The following ELF3 variants were observed in gnomAD, a reference collection of about 807,000 sequenced individuals.
ELF3 encodes E74 like ETS transcription factor 3.
ELF3 carries 18 observed loss-of-function variants against 43.9 expected under a neutral mutation model. The observed-to-expected ratio is 0.41, with a 90% CI of 0.28 to 0.61. The LOEUF (loss-of-function observed/expected upper bound fraction) is 0.61, where lower values mean the gene tolerates loss of function less well. Among genes scored for constraint, ELF3 ranks in the 20% least tolerant of loss-of-function variants. The pLI, the probability that ELF3 is intolerant of heterozygous loss-of-function variation, is 0.30. For synonymous variants in ELF3, 181 were observed against 190.2 expected, an observed-to-expected ratio of 0.95 and a Z score of 0.40; for missense variants, 373 against 487.7, an observed-to-expected ratio of 0.76 and a Z score of 2.21.
In ELF3 at chr1:202,012,513, C is replaced by G; in HGVS notation, c.478+77C>G. ...CCCCTCCACAGAGTGCTAGAGATGA[C>G]CCCCTCCCCAGACTTCTTCCTCCCT... On this transcript the variant is annotated intron_variant, in intron 4 of 8. Coordinates refer to ENST00000367284, the MANE Select transcript of ELF3 (RefSeq NM_004433.5). This position sits in a 1 kb window ranked among gnomAD's most constrained non-coding sequence, Gnocchi z 4.2. 2 of 1,568,424 alleles carry G rather than the reference C, an allele frequency of 1.3e-6. No homozygotes were observed. Among genetic ancestry groups the G allele is most frequent in the Non-Finnish European group, 1.7e-6 (2 of 1,157,330 alleles).
intron 2 of ELF3, 135 bp from the exon 3 acceptor site, chr1:202,011,822 A>G (rs1451232902): frequency 1.2e-6 from 1 of 827,286 alleles, no homozygotes; most frequent in Non-Finnish European, 1.9e-6. Context: ...GGTTGCTGTG[A>G]GCCGAGATTG....
At position 202,010,717 on chromosome 1, in the gene ELF3, C is replaced by G. The variant is rs1230839821; in HGVS notation, c.-9+11C>G. On this transcript the variant is annotated intron_variant, in intron 1 of 8. Transcript: ENST00000367284. The surrounding 1 kb of genome is among the most constrained non-coding windows in gnomAD (Gnocchi z 4.3). The stretch of plus-strand genomic sequence containing the variant: ...GACTCCGCCACTCCGGTAGGATTCC[C>G]CGCCTGTCATTCCCTAGCCCAGCTC... 1.2e-5 allele frequency: 2 copies of G among 160,854 alleles called. No individual in the cohort carries two copies. The highest frequency in any genetic ancestry group is 2.7e-5 in the Non-Finnish European group (2 of 73,264). The allele number at this position is 160,854 out of a possible 1,614,324, so 10.0% of individuals were successfully genotyped here. A position where few individuals can be genotyped will look rare whatever the true frequency, so the allele number is the denominator to read the frequency against.
At position 202,012,306 on chromosome 1, in the gene ELF3, G is replaced by C. The variant is rs1207347967; in HGVS notation, c.386-38G>C. The C allele has an allele frequency of 6.2e-7, 1 of 1,612,642 alleles. No individual in the cohort carries two copies. Among genetic ancestry groups the C allele is most frequent in the Non-Finnish European group, 8.5e-7 (1 of 1,179,146 alleles). On this transcript the variant is annotated intron_variant, in intron 3 of 8. Coordinates refer to ENST00000367284, the MANE Select transcript of ELF3 (RefSeq NM_004433.5). The surrounding 1 kb of genome is among the most constrained non-coding windows in gnomAD (Gnocchi z 4.2). ...AGCCAGAGAGAGCCCTTGAGGGAGGGATTAGGGGAGTGTGACCCTTCCTTC... is the reference window on the plus strand; with the variant it reads ...AGCCAGAGAGAGCCCTTGAGGGAGGCATTAGGGGAGTGTGACCCTTCCTTC...
rs1207741412 is a variant in ELF3 at position 202,013,598 on chromosome 1, C to T, written c.806-231C>T. Reference sequence around the variant, plus strand: ...CTCCAGTTCTCTCTGCACTTGGCCACTGTCCTGCCCTCTGGGACACCCTCA... The same window carrying T: ...CTCCAGTTCTCTCTGCACTTGGCCATTGTCCTGCCCTCTGGGACACCCTCA... On this transcript the variant is annotated intron_variant, in intron 7 of 8. Coordinates refer to ENST00000367284, the MANE Select transcript of ELF3 (RefSeq NM_004433.5). The surrounding 1 kb of genome is among the most constrained non-coding windows in gnomAD (Gnocchi z 5.7). 6.6e-6 allele frequency among the ~76,000 whole-genome samples: 1 copy of T among 152,218 alleles called. No individual in the cohort carries two copies. The highest frequency in any genetic ancestry group is 1.5e-5 in the Non-Finnish European group (1 of 68,036).
rs1452985672 is a variant in ELF3 at position 202,015,740 on chromosome 1, C to T, written c.*417C>T. On this transcript the variant is annotated 3_prime_UTR_variant, in exon 9 of 9. Transcript: ENST00000367284. ...CTCCAGCACCTTCTTTCTGGACTGG[C>T]GTTCACCTCCCTGCTCAGTGCTTGG... 1.0e-5 allele frequency: 2 copies of T among 195,880 alleles called. No homozygotes were observed. The highest frequency in any genetic ancestry group is 2.2e-5 in the Non-Finnish European group (2 of 92,804). 12.1% of individuals were successfully genotyped at this position (195,880 alleles called of 1,614,324 possible).
chr1:202,015,345 C>T lies in ELF3; in HGVS notation c.*22C>T. 2 of 1,612,650 alleles carry T rather than the reference C, an allele frequency of 1.2e-6. No homozygotes were observed. Among genetic ancestry groups the T allele is most frequent in the Non-Finnish European group, 1.7e-6 (2 of 1,179,190 alleles). The stretch of plus-strand genomic sequence containing the variant: ...CTGAGGGTTGGAACTATACCCGGGA[C>T]CAAACTCACGGACCACTCGAGGCCT... On this transcript the variant is annotated 3_prime_UTR_variant, in exon 9 of 9. Coordinates refer to ENST00000367284, the MANE Select transcript of ELF3 (RefSeq NM_004433.5).
chr1:202,013,404 C>T lies in ELF3; in HGVS notation c.805+106C>T. ...CTTCTCCCGTTTTCTCTGGCCTCCGCATGGCCTTTGGTAAGGCTGTGCACA... is the reference window on the plus strand; with the variant it reads ...CTTCTCCCGTTTTCTCTGGCCTCCGTATGGCCTTTGGTAAGGCTGTGCACA... On this transcript the variant is annotated intron_variant, in intron 7 of 8. Coordinates refer to ENST00000367284, the MANE Select transcript of ELF3 (RefSeq NM_004433.5). This position sits in a 1 kb window ranked among gnomAD's most constrained non-coding sequence, Gnocchi z 5.7. 1.7e-6 allele frequency: 2 copies of T among 1,169,040 alleles called. No individual in the cohort carries two copies. Among genetic ancestry groups the T allele is most frequent in the Non-Finnish European group, 1.2e-6 (1 of 804,546 alleles). The allele number at this position is 1,169,040 out of a possible 1,614,324, so 72.4% of individuals were successfully genotyped here. A position where few individuals can be genotyped will look rare whatever the true frequency, so the allele number is the denominator to read the frequency against.
chr1:202,011,667 T>C, intron 2 of ELF3: 1 of 471,350 alleles, frequency 2.1e-6, no homozygotes, highest in Non-Finnish European at 3.8e-6. Flanking sequence ...AGGTCAAGAG[T>C]TCGAGACCAG....
rs1204939673 is a variant in ELF3, at chr1:202,012,513, C to T, written c.478+77C>T. The T allele has an allele frequency of 1.0e-5, 16 of 1,568,304 alleles. No individual in the cohort carries two copies. Among genetic ancestry groups the T allele is most frequent in the Non-Finnish European group, 1.2e-5 (14 of 1,157,338 alleles). On this transcript the variant is annotated intron_variant, in intron 4 of 8. Coordinates refer to ENST00000367284, the MANE Select transcript of ELF3 (RefSeq NM_004433.5). The surrounding 1 kb of genome is among the most constrained non-coding windows in gnomAD (Gnocchi z 4.2). ...CCCCTCCACAGAGTGCTAGAGATGA[C>T]CCCCTCCCCAGACTTCTTCCTCCCT...
intron 8 of ELF3, chr1:202,014,904 A>G: frequency 3.3e-6 from 1 of 300,524 alleles, no homozygotes. Flanking sequence ...CACCGTGCCC[A>G]GCTCCCTGGC....
rs367657712 is a variant in ELF3, at chr1:202,014,871, G to C, written c.1002-338G>C. On this transcript the variant is annotated intron_variant, in intron 8 of 8. Coordinates refer to ENST00000367284, the MANE Select transcript of ELF3 (RefSeq NM_004433.5). ...GATCCGCCCGCCTCAGCCTCCCAAA[G>C]TGCTGGAATTACAGGTGTGAGCCAC... is the stretch of plus-strand genomic sequence containing the variant. The C allele has an allele frequency of 2.9e-4, 70 of 237,486 alleles. 1 individual carries two copies. The South Asian group carries it at 3.7e-3, about 12-fold the overall frequency. 14.7% of individuals were successfully genotyped at this position (237,486 alleles called of 1,614,324 possible).
rs1684236431 is a variant in ELF3 at position 202,012,849 on chromosome 1, A to G, written c.598+90A>G. Reference sequence around the variant, plus strand: ...AGCACCATAACTCAGGCCTTCTGGCAGGAACAGGAACAGGCTGGGAAGTGT... The same window carrying G: ...AGCACCATAACTCAGGCCTTCTGGCGGGAACAGGAACAGGCTGGGAAGTGT... On this transcript the variant is annotated intron_variant, in intron 5 of 8. Coordinates refer to ENST00000367284, the MANE Select transcript of ELF3 (RefSeq NM_004433.5). The surrounding 1 kb of genome is among the most constrained non-coding windows in gnomAD (Gnocchi z 4.2). The G allele has an allele frequency of 1.2e-5, 19 of 1,538,790 alleles. No homozygotes were observed. The highest frequency in any genetic ancestry group is 3.8e-5 in the South Asian group (3 of 78,364).
At chr1:202,015,103 C>T (rs1684285719) in intron 8 of ELF3, 106 bp from the exon 9 acceptor site, 1 of 1,068,174 alleles carries the variant, frequency 9.4e-7, no homozygotes, top group Non-Finnish European at 1.4e-6. Context: ...AGGCAGAGAC[C>T]AGTGGGCATG....
In ELF3 at chr1:202,011,267, T is replaced by C; in HGVS notation, c.131T>C (p.Leu44Pro). The change falls in exon 2 of 9, where the codon CTG (leucine) becomes CCG (proline). Residue 44 changes from leucine (L) to proline (P), a missense_variant. By Grantham distance (98) the Leu-to-Pro change is moderately conservative. Around this residue, in one of 3 missense-constraint regions of ELF3, gnomAD observed 311 missense variants for 351.2 expected, o/e 0.89. Coordinates refer to ENST00000367284, the MANE Select transcript of ELF3 (RefSeq NM_004433.5). ...TFGADDLVLT[L>P]SNPQMSLEGT... The stretch of plus-strand genomic sequence containing the variant: ...GGGGCCGATGACTTGGTACTGACCC[T>C]GAGCAACCCCCAGATGTCATTGGAG... 6.2e-7 allele frequency: 1 copy of C among 1,608,052 alleles called. No homozygotes were observed. Among genetic ancestry groups the C allele is most frequent in the Non-Finnish European group, 8.5e-7 (1 of 1,176,822 alleles).
rs1293525214 is a variant in ELF3, at chr1:202,013,948, G to A, written c.925G>A (p.Glu309Lys). 3.1e-6 allele frequency: 5 copies of A among 1,613,900 alleles called. No homozygotes were observed. The highest frequency in any genetic ancestry group is 4.2e-6 in the Non-Finnish European group (5 of 1,179,952). Residue 309 changes from glutamate to lysine, a missense_variant, in exon 8 of 9, where the codon GAG becomes AAG. By Grantham distance (56) the Glu-to-Lys change is moderately conservative. Around this residue, in one of 3 missense-constraint regions of ELF3, gnomAD observed 61 missense variants for 115.9 expected, o/e 0.53. Transcript: ENST00000367284. The surrounding 1 kb of genome is among the most constrained non-coding windows in gnomAD (Gnocchi z 5.7). Reference protein sequence around the residue: ...HEGVFKFLRSEAVAQLWGQKK... With the variant: ...HEGVFKFLRSKAVAQLWGQKK... ...AGGCGTCTTCAAGTTCCTGCGCTCC[G>A]AGGCTGTGGCCCAACTATGGGGCCA...
chr1:202,012,134 T>A lies in ELF3; in HGVS notation c.341T>A (p.Phe114Tyr). Residue 114 changes from phenylalanine (F) to tyrosine (Y), a missense_variant, in exon 3 of 9, where the codon TTT becomes TAT. Physicochemically the swap from Phe to Tyr is conservative, Grantham distance 22. Around this residue, in one of 3 missense-constraint regions of ELF3, gnomAD observed 311 missense variants for 351.2 expected, o/e 0.89. Transcript: ENST00000367284. The surrounding 1 kb of genome is among the most constrained non-coding windows in gnomAD (Gnocchi z 4.2). ...NCALEELRLV[F>Y]GPLGDQLHAQ... ...GCCCTTGAGGAGCTGCGTCTGGTCT[T>A]TGGGCCTCTGGGGGACCAACTCCAT... 6.2e-7 allele frequency: 1 copy of A among 1,613,906 alleles called. No individual in the cohort carries two copies. Among genetic ancestry groups the A allele is most frequent in the Non-Finnish European group, 8.5e-7 (1 of 1,180,024 alleles).
At position 202,013,407 on chromosome 1, in the gene ELF3, G is replaced by A; in HGVS notation, c.805+109G>A. ...CTCCCGTTTTCTCTGGCCTCCGCAT[G>A]GCCTTTGGTAAGGCTGTGCACAAGC... On this transcript the variant is annotated intron_variant, in intron 7 of 8. Transcript: ENST00000367284. This position sits in a 1 kb window ranked among gnomAD's most constrained non-coding sequence, Gnocchi z 5.7. 2 of 1,135,264 alleles carry A rather than the reference G, an allele frequency of 1.8e-6. No homozygotes were observed. The highest frequency in any genetic ancestry group is 2.9e-5 in the South Asian group (2 of 70,166). The allele number at this position is 1,135,264 out of a possible 1,614,324, so 70.3% of individuals were successfully genotyped here. A position where few individuals can be genotyped will look rare whatever the true frequency, so the allele number is the denominator to read the frequency against.
intron 1 of ELF3, 60 bp from the exon 2 acceptor site, chr1:202,011,069 A>G: frequency 6.3e-7 from 1 of 1,590,018 alleles, no homozygotes; most frequent in Non-Finnish European, 8.6e-7. Context: ...AGTAGCTGGG[A>G]GTGTAAGGAG....
rs1471806378 is a variant in ELF3 at position 202,013,977 on chromosome 1, G to A, written c.954G>A (p.Lys318=). 6.2e-7 allele frequency: 1 copy of A among 1,613,808 alleles called. No individual in the cohort carries two copies. Among genetic ancestry groups the A allele is most frequent in the South Asian group, 1.1e-5 (1 of 91,044 alleles). Residue 318 remains lysine, a synonymous_variant, in exon 8 of 9, where the codon AAG becomes AAA. Coordinates refer to ENST00000367284, the MANE Select transcript of ELF3 (RefSeq NM_004433.5). The surrounding 1 kb of genome is among the most constrained non-coding windows in gnomAD (Gnocchi z 5.7). ...SEAVAQLWGQ[K]KKNSNMTYEK... is the part of the protein sequence containing the mutation. ...CTGTGGCCCAACTATGGGGCCAAAA[G>A]AAAAAGAACAGCAACATGACCTACG...
Sources: gnomAD v4.1 joint callset for allele counts (sites outside exome capture counted in the v4.1 genomes callset) on GRCh38, gnomAD v4.1.1 for gene constraint, gnomAD v4.1.1 regional missense constraint, Gnocchi (gnomAD v3.1) non-coding constraint, MANE v1.5 for transcripts, NCBI Gene and HGNC (gene_info 2026-07-23, HGNC 2026-07-21) for gene names.